Variants in SH3GL3 observed in about 807,000 individuals in gnomAD.
SH3GL3 encodes the protein SH3 domain containing GRB2 like 3, endophilin A3.
SH3GL3 carries 33 observed loss-of-function variants against 47.7 expected under a neutral mutation model. The ratio of observed to expected loss-of-function variants is 0.69; its 90% confidence interval spans 0.52 to 0.92. The LOEUF (loss-of-function observed/expected upper bound fraction) is 0.92, where lower values mean the gene tolerates loss of function less well. SH3GL3 is among the 40% of genes least tolerant of loss of function. The pLI is 0.00. For synonymous variants in SH3GL3, 155 were observed against 148.8 expected (o/e 1.04, Z -0.30); for missense variants, 363 against 417.8 (o/e 0.87, Z 1.14).
chr15:83,576,846 C>A (rs1157643353), intron 6 of SH3GL3, 105 bp downstream of exon 6: 3 of 689,880 alleles, frequency 4.3e-6, no homozygotes, highest in East Asian at 2.8e-5. Flanking sequence ...AGTGTCCAAT[C>A]TTTTGGCTTC....
At chr15:83,550,432 C>T (rs772086872) in intron 1 of SH3GL3, among the ~76,000 whole-genome samples, 5 of 152,018 alleles carry the variant, frequency 3.3e-5, no homozygotes, top group Non-Finnish European at 5.9e-5. Flanking sequence ...GCTCTGTCAC[C>T]CAGGCTGGAG....
At chr15:83,514,373 T>A (rs2151636523) in intron 1 of SH3GL3, among the ~76,000 whole-genome samples, 1 of 152,242 alleles carries the variant, frequency 6.6e-6, no homozygotes. Flanking sequence ...CCACAATTTG[T>A]TCTCAAAATG....
At position 83,586,970 on chromosome 15, in the gene SH3GL3, A is replaced by T; in HGVS notation, c.625-13A>T. The T allele has an allele frequency of 6.5e-7, 1 of 1,532,426 alleles. No individual in the cohort carries two copies. Among genetic ancestry groups the T allele is most frequent in the Non-Finnish European group, 9.0e-7 (1 of 1,115,912 alleles). The allele number at this position is 1,532,426 out of a possible 1,614,324, so 94.9% of individuals were successfully genotyped here. A position where few individuals can be genotyped will look rare whatever the true frequency, so the allele number is the denominator to read the frequency against. On this transcript the variant is annotated splice_polypyrimidine_tract_variant and intron_variant, in intron 6 of 8. Transcript: ENST00000427482. ...TCGGGCCTCCATGGAATAATTTTGC[A>T]CTTCTGCTGCAGGTAGAACAAGTCA...
At chr15:83,574,671 C>T (rs1320531037) in intron 5 of SH3GL3, among the ~76,000 whole-genome samples, 1 of 152,170 alleles carries the variant, frequency 6.6e-6, no homozygotes, top group African/African-American at 2.4e-5. Flanking sequence ...AGACCCTCAG[C>T]CCTTCACAGC....
intron 1 of SH3GL3, among the ~76,000 whole-genome samples, chr15:83,549,394 G>A (rs2044554386): frequency 6.6e-6 from 1 of 152,168 alleles, no homozygotes; most frequent in African/African-American, 2.4e-5. Context: ...CGGATAATGA[G>A]GGTAAAGGCT....
chr15:83,464,798 T>C (rs2040484703), intron 1 of SH3GL3, among the ~76,000 whole-genome samples: 1 of 152,080 alleles, frequency 6.6e-6, no homozygotes, highest in South Asian at 2.1e-4. Context: ...ATGATTGTAG[T>C]AGCCTCCTAA....
At chr15:83,569,082 A>T (rs1311432617) in intron 4 of SH3GL3, among the ~76,000 whole-genome samples, 2 of 152,086 alleles carry the variant, frequency 1.3e-5, no homozygotes, top group Non-Finnish European at 2.9e-5. Flanking sequence ...TTTTAAATAG[A>T]GACAGGGTTT....
At chr15:83,509,372 G>GT (rs2042650932) in intron 1 of SH3GL3, among the ~76,000 whole-genome samples, 1 of 152,210 alleles carries the variant, frequency 6.6e-6, no homozygotes, top group Admixed American at 6.5e-5. Flanking sequence ...AAGGAAGCTC[G>GT]TAAGTTCGTG....
chr15:83,596,970 CAGTTATTT>C (rs1166377029), intron 8 of SH3GL3, among the ~76,000 whole-genome samples: 1 of 151,996 alleles, frequency 6.6e-6, no homozygotes, highest in Non-Finnish European at 1.5e-5. Flanking sequence ...TTCTTTGATC[CAGTTATTT>C]ATTTAGCATA....
chr15:83,620,679 G>C (rs2060913226), downstream of SH3GL3, among the ~76,000 whole-genome samples: 1 of 152,214 alleles, frequency 6.6e-6, no homozygotes, highest in Admixed American at 6.5e-5. Context: ...AAGCAGAGCA[G>C]ATTTAGCATC....
At chr15:83,508,874 G>A (rs1012771633) in intron 1 of SH3GL3, among the ~76,000 whole-genome samples, 3 of 152,164 alleles carry the variant, frequency 2.0e-5, no homozygotes, top group Non-Finnish European at 4.4e-5. Context: ...GATTACAGGC[G>A]TGAGCCACTG....
In SH3GL3 at chr15:83,613,489, G is replaced by C. The variant is rs574702350; in HGVS notation, c.839-4593G>C. Among the ~76,000 whole-genome samples the C allele has an allele frequency of 3.9e-3, 596 of 152,290 alleles. 2 individuals carry two copies. The highest frequency in any genetic ancestry group is 5.4e-3 in the Non-Finnish European group (364 of 68,024). On this transcript the variant is annotated intron_variant, in intron 8 of 8. Transcript: ENST00000427482. Reference sequence around the variant, plus strand: ...TGTGTGTGTGTGCAGCAAGAACCCAGGTTTACACATGGAGGTGGTGGCCTG... The same window carrying C: ...TGTGTGTGTGTGCAGCAAGAACCCACGTTTACACATGGAGGTGGTGGCCTG...
chr15:83,461,850 C>G (rs1475973106), intron 1 of SH3GL3, among the ~76,000 whole-genome samples: 1 of 152,042 alleles, frequency 6.6e-6, no homozygotes, highest in Admixed American at 6.6e-5. Flanking sequence ...TGTAAATACT[C>G]AGGACAAATC....
In SH3GL3 at chr15:83,495,272, A is replaced by T. The variant is rs551066585; in HGVS notation, c.45+47694A>T. Among the ~76,000 whole-genome samples the T allele has an allele frequency of 5.3e-5, 8 of 152,292 alleles. No homozygotes were observed. The East Asian group carries it at 1.5e-3, about 29-fold the overall frequency. On this transcript the variant is annotated intron_variant, in intron 1 of 8. Transcript: ENST00000427482. ...CTGAACCTTCTTGTTGACTCAGGGA[A>T]ACCACTGGAGTCTTCTTTCATACCC...
the SH3GL3 span, among the ~76,000 whole-genome samples, chr15:83,632,703 G>C: frequency 6.6e-6 from 1 of 152,176 alleles, no homozygotes. Context: ...CATAAGAAAA[G>C]CATGAGGGTA....
chr15:83,548,531 T>G (rs73448439), intron 1 of SH3GL3, among the ~76,000 whole-genome samples: 1 of 151,956 alleles, frequency 6.6e-6, no homozygotes, highest in Non-Finnish European at 1.5e-5. Flanking sequence ...GAAGATTTCT[T>G]TGATGTTGCC....
intron 1 of SH3GL3, among the ~76,000 whole-genome samples, chr15:83,551,773 G>A (rs949148290): frequency 6.6e-6 from 1 of 152,066 alleles, no homozygotes; most frequent in Non-Finnish European, 1.5e-5. Context: ...CTGTTATGTT[G>A]TGTGCATCTC....
At chr15:83,627,390 C>A in the SH3GL3 span, among the ~76,000 whole-genome samples, 2 of 145,012 alleles carry the variant, frequency 1.4e-5, no homozygotes, top group Admixed American at 7.1e-5. Flanking sequence ...GAGCAAGATG[C>A]CGTCTCAAAA....
At chr15:83,462,820 T>C (rs1179927376) in intron 1 of SH3GL3, among the ~76,000 whole-genome samples, 2 of 152,200 alleles carry the variant, frequency 1.3e-5, no homozygotes. Flanking sequence ...AGCTTCTCCT[T>C]ATGGCCTTCT....
Sources: allele counts gnomAD v4.1 joint callset (sites outside exome capture counted in the v4.1 genomes callset), GRCh38; gene constraint gnomAD v4.1.1; transcripts MANE v1.5; gene names NCBI Gene and HGNC (gene_info 2026-07-23, HGNC 2026-07-21).